The following FERMT2 variants were observed in gnomAD, a reference collection of about 807,000 sequenced individuals.
FERMT2 encodes fermitin family homolog 2.
FERMT2 carries 15 observed loss-of-function variants against 82.7 expected under a neutral mutation model. The ratio of observed to expected loss-of-function variants is 0.18; its 90% CI spans 0.12 to 0.28. The LOEUF (loss-of-function observed/expected upper bound fraction) is 0.28. FERMT2 is among the 10% of genes least tolerant of loss of function. The pLI is 1.00. For missense variants in FERMT2, 645 were observed against 809.4 expected, an observed-to-expected ratio of 0.80 and a Z score of 2.46; for synonymous variants, 274 against 271.5, an observed-to-expected ratio of 1.01 and a Z score of -0.09.
rs1890582371 is a variant in FERMT2 at position 52,950,559 on chromosome 14, C to T, written c.10G>A (p.Asp4Asn). Reference sequence around the variant, plus strand: ...CAGCCATCTGGCATCCTTATCCCGTCCAGAGCCATGGCTCCTTCCTGCGAG... The same window carrying T: ...CAGCCATCTGGCATCCTTATCCCGTTCAGAGCCATGGCTCCTTCCTGCGAG... MAL[D>N]GIRMPDGCYA... The change falls in exon 2 of 15, where the codon GAC (aspartate) becomes AAC (asparagine). Residue 4 changes from aspartate (D) to asparagine (N), a missense_variant. Physicochemically the swap from Asp to Asn is conservative, Grantham distance 23. Coordinates refer to ENST00000341590, the MANE Select transcript of FERMT2 (RefSeq NM_006832.3). 1 of 1,613,534 alleles carries T rather than the reference C, an allele frequency of 6.2e-7. No homozygotes were observed. The highest frequency in any genetic ancestry group is 8.5e-7 in the Non-Finnish European group (1 of 1,179,808).
chr14:52,878,693 C>T lies in FERMT2; in HGVS notation c.856-4G>A, dbSNP rs747885480. The stretch of plus-strand genomic sequence containing the variant: ...GATTGATTCTGATTGCATCATACTG[C>T]AACAAGAGAAATAGTTCTTTTGTAA... On this transcript the variant is annotated splice_region_variant and splice_polypyrimidine_tract_variant and intron_variant, in intron 6 of 14. Transcript: ENST00000341590. 8.9e-6 allele frequency: 13 copies of T among 1,462,136 alleles called. No homozygotes were observed. The South Asian group carries it at 1.4e-4, about 16-fold the overall frequency. The allele number at this position is 1,462,136 out of a possible 1,614,324, so 90.6% of individuals were successfully genotyped here.
At position 52,915,894 on chromosome 14, in the gene FERMT2, AAAG is replaced by A. The variant is rs553390213; in HGVS notation, c.391+3226_391+3228del. 3.3e-3 allele frequency among the ~76,000 whole-genome samples: 504 copies of A among 152,370 alleles called. 5 individuals are homozygous for A. Among genetic ancestry groups the A allele is most frequent in the African/African-American group, 0.011 (470 of 41,586 alleles). On this transcript the variant is annotated intron_variant, in intron 3 of 14. Transcript: ENST00000341590. ...CAAATCAATGGTGAACGATAAAACA[AAAG>A]AAGAATGGACGAACAGACATATGTC...
intron 10 of FERMT2, among the ~76,000 whole-genome samples, chr14:52,868,544 T>C (rs530950401): frequency 6.6e-6 from 1 of 152,214 alleles, no homozygotes; most frequent in Non-Finnish European, 1.5e-5. Flanking sequence ...CCAGCACAGT[T>C]TGTGGCACAG....
chr14:52,944,563 A>C (rs1890239751), intron 2 of FERMT2, among the ~76,000 whole-genome samples: 1 of 152,222 alleles, frequency 6.6e-6, no homozygotes, highest in South Asian at 2.1e-4. Context: ...TGTGTAACGA[A>C]GCCCCTCATG....
chr14:52,858,301 T>A lies in FERMT2; in HGVS notation c.*76A>T, dbSNP rs1884691721. ...ATGATAAATTTCAAGCTTACTTTATTAAGCAGCATATAACAAACAGCTTTT... is the reference window on the plus strand; with the variant it reads ...ATGATAAATTTCAAGCTTACTTTATAAAGCAGCATATAACAAACAGCTTTT... On this transcript the variant is annotated 3_prime_UTR_variant, in exon 15 of 15. Coordinates refer to ENST00000341590, the MANE Select transcript of FERMT2 (RefSeq NM_006832.3). 1 of 1,279,282 alleles carries A rather than the reference T, an allele frequency of 7.8e-7. No homozygotes were observed. Among genetic ancestry groups the A allele is most frequent in the Admixed American group, 2.0e-5 (1 of 50,768 alleles). The allele number at this position is 1,279,282 out of a possible 1,614,324, so 79.2% of individuals were successfully genotyped here. A position where few individuals can be genotyped will look rare whatever the true frequency, so the allele number is the denominator to read the frequency against.
intron 3 of FERMT2, among the ~76,000 whole-genome samples, chr14:52,898,908 C>T (rs974244378): frequency 5.3e-5 from 8 of 152,194 alleles, no homozygotes; most frequent in Non-Finnish European, 1.2e-4. Flanking sequence ...GACAGTAAGG[C>T]AAGCATTACA....
At chr14:52,867,501 C>T (rs1248706484) in intron 10 of FERMT2, among the ~76,000 whole-genome samples, 1 of 152,016 alleles carries the variant, frequency 6.6e-6, no homozygotes, top group Admixed American at 6.6e-5. Context: ...GCAAGGTCCC[C>T]TTCTTCTAAC....
intron 3 of FERMT2, among the ~76,000 whole-genome samples, chr14:52,897,005 C>CACACACACACAT (rs1347410660): frequency 4.1e-4 from 3 of 7,276 alleles, no homozygotes; most frequent in African/African-American, 3.0e-4. Context: ...ATAAAACACA[C>CACACACACACAT]ACACACACAC....
chr14:52,861,857 C>G (rs1047060166), intron 12 of FERMT2: 1 of 152,124 alleles, frequency 6.6e-6, no homozygotes. Context: ...AAGAAAACTA[C>G]GAGTCTATGC....
chr14:52,859,448 G>T, intron 14 of FERMT2, 125 bp downstream of exon 14: 1 of 893,640 alleles, frequency 1.1e-6, no homozygotes, highest in Non-Finnish European at 1.6e-6. Flanking sequence ...AGTCAACCAT[G>T]GTCTGTCTGT....
chr14:52,863,835 T>C (rs1010963611), intron 12 of FERMT2, among the ~76,000 whole-genome samples: 16 of 152,198 alleles, frequency 1.1e-4, no homozygotes, highest in African/African-American at 3.9e-4. Context: ...TACTTAATTA[T>C]ATATGGAATA....
intron 4 of FERMT2, among the ~76,000 whole-genome samples, chr14:52,892,825 A>G (rs1470714910): frequency 6.6e-6 from 1 of 152,204 alleles, no homozygotes; most frequent in Non-Finnish European, 1.5e-5. Context: ...ATACTAAAAA[A>G]ATTTCCAATT....
chr14:52,881,153 A>C lies in FERMT2; in HGVS notation c.753-15T>G, dbSNP rs1360755907. ...AATCAAGCCATCTGGACAAATTAAGAACAGTGGAACAAAACAACACAGAAT... is the reference window on the plus strand; with the variant it reads ...AATCAAGCCATCTGGACAAATTAAGCACAGTGGAACAAAACAACACAGAAT... On this transcript the variant is annotated splice_polypyrimidine_tract_variant and intron_variant, in intron 5 of 14. Transcript: ENST00000341590. 3 of 1,603,746 alleles carry C rather than the reference A, an allele frequency of 1.9e-6. No homozygotes were observed. Among genetic ancestry groups the C allele is most frequent in the Non-Finnish European group, 2.6e-6 (3 of 1,171,272 alleles).
intron 2 of FERMT2, chr14:52,927,914 C>A: frequency 4.3e-6 from 1 of 232,562 alleles, no homozygotes; most frequent in East Asian, 9.0e-5. Context: ...AAACAAAGAC[C>A]AGCCCAATAC....
At chr14:52,859,380 T>A in intron 14 of FERMT2, 193 bp downstream of exon 14, 1 of 507,640 alleles carries the variant, frequency 2.0e-6, no homozygotes, top group Non-Finnish European at 3.3e-6. Context: ...AATTATGCAC[T>A]TAGAATTTTA....
At position 52,858,043 on chromosome 14, in the gene FERMT2, C is replaced by T; in HGVS notation, c.*334G>A. The T allele has an allele frequency of 4.1e-6, 1 of 245,004 alleles. No homozygotes were observed. Among genetic ancestry groups the T allele is most frequent in the Non-Finnish European group, 8.0e-6 (1 of 124,444 alleles). The allele number at this position is 245,004 out of a possible 1,614,324, so 15.2% of individuals were successfully genotyped here. A position where few individuals can be genotyped will look rare whatever the true frequency, so the allele number is the denominator to read the frequency against. The stretch of plus-strand genomic sequence containing the variant: ...ATAAATAGAGTTCATATAGGTTAAG[C>T]CCTGGATAGCTTTAAAATAGATGGC... On this transcript the variant is annotated 3_prime_UTR_variant, in exon 15 of 15. Coordinates refer to ENST00000341590, the MANE Select transcript of FERMT2 (RefSeq NM_006832.3).
chr14:52,937,903 C>A (rs1393279798), intron 2 of FERMT2, among the ~76,000 whole-genome samples: 1 of 152,170 alleles, frequency 6.6e-6, no homozygotes, highest in Non-Finnish European at 1.5e-5. Context: ...GCCCAAACTC[C>A]AAAAGGATCC....
chr14:52,909,845 G>A (rs1888213940), intron 3 of FERMT2, among the ~76,000 whole-genome samples: 1 of 152,116 alleles, frequency 6.6e-6, no homozygotes, highest in Non-Finnish European at 1.5e-5. Context: ...ACGAGGTCAA[G>A]GGATCGAGAC....
rs1178428187 is a variant in FERMT2 at position 52,950,575 on chromosome 14, T to C, written c.-7A>G. On this transcript the variant is annotated splice_region_variant and 5_prime_UTR_variant, in exon 2 of 15. Coordinates refer to ENST00000341590, the MANE Select transcript of FERMT2 (RefSeq NM_006832.3). ...TTATCCCGTCCAGAGCCATGGCTCC[T>C]TCCTGCGAGCGCGGAGGAAATGGCT... 5.0e-6 allele frequency: 8 copies of C among 1,611,304 alleles called. No homozygotes were observed. Among genetic ancestry groups the C allele is most frequent in the Non-Finnish European group, 6.8e-6 (8 of 1,178,836 alleles).
Sources: allele counts gnomAD v4.1 joint callset (sites outside exome capture counted in the v4.1 genomes callset), GRCh38; gene constraint gnomAD v4.1.1; transcripts MANE v1.5; gene names NCBI Gene and HGNC (gene_info 2026-07-23, HGNC 2026-07-21).